ALAD: variants seen among roughly 807,000 people sequenced by gnomAD.
The protein encoded by ALAD is delta-aminolevulinic acid dehydratase.
ALAD carries 20 observed loss-of-function variants against 44.4 expected under a neutral mutation model. The observed-to-expected ratio is 0.45, with a 90% CI of 0.32 to 0.65. ALAD has a LOEUF of 0.65. Among genes scored for constraint, ALAD ranks in the 30% least tolerant of loss-of-function variants. The pLI is 0.05. For missense variants in ALAD, 323 were observed against 445.7 expected, an observed-to-expected ratio of 0.72 and a Z score of 2.48; for synonymous variants, 156 against 167.9, an observed-to-expected ratio of 0.93 and a Z score of 0.55.
In ALAD at chr9:113,389,442, T is replaced by C. The variant is rs752278186; in HGVS notation, c.797A>G (p.Asp266Gly). ...TTGCCTCGTACCTGTGCTCACCTTG[T>C]CCTTTACCTCCCGCACGATGTCCAG... ...PYLDIVREVK[D>G]KHPDLPLAVY... The change falls in exon 10 of 12, where the codon GAC becomes GGC. Residue 266 changes from aspartate (D) to glycine (G), a missense_variant. Transcript: ENST00000409155. 14 of 1,613,306 alleles carry C rather than the reference T, an allele frequency of 8.7e-6. No individual in the cohort carries two copies. The highest frequency in any genetic ancestry group is 1.2e-5 in the Non-Finnish European group (14 of 1,180,034).
At chr9:113,394,496 C>T (rs1827676118) in intron 1 of ALAD, among the ~76,000 whole-genome samples, 2 of 151,682 alleles carry the variant, frequency 1.3e-5, no homozygotes, top group South Asian at 4.2e-4. Flanking sequence ...TATGATTGCA[C>T]CACTGCACTC....
chr9:113,392,026 C>T, intron 3 of ALAD, 93 bp downstream of exon 3: 2 of 1,258,602 alleles, frequency 1.6e-6, no homozygotes, highest in South Asian at 1.3e-5. Context: ...TCCGCATCTT[C>T]TACTTCCTAG....
rs761010522 is a variant in ALAD at position 113,389,824 on chromosome 9, G to A, written c.575C>T (p.Ser192Leu). 5.0e-6 allele frequency: 8 copies of A among 1,614,238 alleles called. No individual in the cohort carries two copies. Among genetic ancestry groups the A allele is most frequent in the Admixed American group, 3.3e-5 (2 of 60,036 alleles). Residue 192 changes from serine (S) to leucine (L), a missense_variant, in exon 8 of 12, where the codon TCG becomes TTG. Transcript: ENST00000409155. ...LMAHGLGNRVSVMSYSAKFAS... is the reference protein window; with the variant it reads ...LMAHGLGNRVLVMSYSAKFAS... ...AAATTTGGCACTGTAGCTCATCACC[G>A]ATACCTATGGGGAGACAATGGAGGT...
At position 113,395,883 on chromosome 9, in the gene ALAD, C is replaced by T. The variant is rs933496478; in HGVS notation, c.-75-2249G>A. 2.6e-5 allele frequency among the ~76,000 whole-genome samples: 4 copies of T among 152,210 alleles called. No homozygotes were observed. In the East Asian group the frequency reaches 7.7e-4, roughly 29 times the overall value. On this transcript the variant is annotated intron_variant, in intron 1 of 11. Coordinates refer to ENST00000409155, the MANE Select transcript of ALAD (RefSeq NM_000031.6). ...GACCAGGCTGGCCAATGTGGTGAAA[C>T]TCCGTCTCTACTAAAAATACAAAAA...
At position 113,390,868 on chromosome 9, in the gene ALAD, C is replaced by A; in HGVS notation, c.327G>T (p.Arg109Ser). The A allele has an allele frequency of 3.7e-6, 6 of 1,614,102 alleles. No homozygotes were observed. Among genetic ancestry groups the A allele is most frequent in the African/African-American group, 1.3e-5 (1 of 75,042 alleles). The change falls in exon 5 of 12, where the codon AGG (arginine) becomes AGT (serine). Residue 109 changes from arginine (R) to serine (S), a missense_variant. Transcript: ENST00000409155. ...CCACCAGGAGGTTGGGGAAGGTCTT[C>A]CTCAACAGATGGATTGCCTCAATAG... is the stretch of plus-strand genomic sequence containing the variant. ...SPAIEAIHLL[R>S]KTFPNLLVAC...
chr9:113,391,994 C>T (rs1184235872), intron 3 of ALAD, 125 bp downstream of exon 3: 2 of 1,004,788 alleles, frequency 2.0e-6, no homozygotes, highest in Non-Finnish European at 3.0e-6. Flanking sequence ...ACCCTTTCCT[C>T]TACTGAGCTA....
At chr9:113,400,287 C>A (rs554235847) in intron 1 of ALAD, among the ~76,000 whole-genome samples, 4 of 152,272 alleles carry the variant, frequency 2.6e-5, no homozygotes, top group African/African-American at 9.6e-5. Context: ...CACCATGACA[C>A]CTCCATACTT....
intron 2 of ALAD, 72 bp from the exon 3 acceptor site, chr9:113,392,241 G>A: frequency 6.2e-7 from 1 of 1,610,808 alleles, no homozygotes; most frequent in Non-Finnish European, 8.5e-7. Context: ...GACTGAGAGG[G>A]ATGGTTGGGA....
chr9:113,400,453 T>C (rs767194037), intron 1 of ALAD, among the ~76,000 whole-genome samples: 10 of 152,216 alleles, frequency 6.6e-5, no homozygotes, highest in Non-Finnish European at 1.0e-4. Context: ...GTTCTGTAGC[T>C]TTCTAGTTGT....
Position 113,389,639 on chromosome 9 carries a change from T to G in ALAD, c.674A>C (p.Gln225Pro). 6.2e-7 allele frequency: 1 copy of G among 1,614,178 alleles called. No individual in the cohort carries two copies. Among genetic ancestry groups the G allele is most frequent in the Non-Finnish European group, 8.5e-7 (1 of 1,180,034 alleles). ...SPAFGDRRCYQLPPGARGLAL... is the reference protein window; with the variant it reads ...SPAFGDRRCYPLPPGARGLAL... ...CAGGCCTCGTGCTCCAGGGGGCAGCTGGTAGCAGCGGCGGTCCCCAAAAGC... is the reference window on the plus strand; with the variant it reads ...CAGGCCTCGTGCTCCAGGGGGCAGCGGGTAGCAGCGGCGGTCCCCAAAAGC... Residue 225 changes from glutamine (Q) to proline (P), a missense_variant, in exon 9 of 12, where the codon CAG becomes CCG. By Grantham distance (76) the Gln-to-Pro change is moderately conservative. Transcript: ENST00000409155.
chr9:113,397,897 T>C lies in ALAD; in HGVS notation c.-76+3315A>G, dbSNP rs190925476. ...GCCTCTGCCTCCCAAAGTGCTGGGATTACAGGCGTGAGCCACCGCACCTGG... is the reference window on the plus strand; with the variant it reads ...GCCTCTGCCTCCCAAAGTGCTGGGACTACAGGCGTGAGCCACCGCACCTGG... On this transcript the variant is annotated intron_variant, in intron 1 of 11. Transcript: ENST00000409155. Among the ~76,000 whole-genome samples, 12 of 152,304 alleles carry C rather than the reference T, an allele frequency of 7.9e-5. No individual in the cohort carries two copies. The East Asian group carries it at 2.1e-3, about 27-fold the overall frequency.
rs774213209 is a variant in ALAD, at chr9:113,394,968, C to T, written c.-75-1334G>A. On this transcript the variant is annotated intron_variant, in intron 1 of 11. Coordinates refer to ENST00000409155, the MANE Select transcript of ALAD (RefSeq NM_000031.6). ...TACTGGGGAGGCTGAGGCAGGAGAA[C>T]TGCTTGAATCCAGGAGGAGGAGGTT... Among the ~76,000 whole-genome samples the T allele has an allele frequency of 2.0e-5, 3 of 151,750 alleles. No homozygotes were observed. The South Asian group carries it at 6.2e-4, about 32-fold the overall frequency.
At chr9:113,393,403 C>CCCAACA in intron 2 of ALAD, 44 bp downstream of exon 2, 7 of 1,565,280 alleles carry the variant, frequency 4.5e-6, no homozygotes, top group Non-Finnish European at 6.2e-6. Context: ...CAACCCCAAC[C>CCCAACA]CCAACCAGCA....
chr9:113,391,195 C>T (rs1476107738), intron 4 of ALAD, among the ~76,000 whole-genome samples: 1 of 152,146 alleles, frequency 6.6e-6, no homozygotes, highest in Non-Finnish European at 1.5e-5. Flanking sequence ...TTTGCCCAAC[C>T]TCCCTTCCTT....
In ALAD at chr9:113,390,675, C is replaced by T. The variant is rs1827553372; in HGVS notation, c.399G>A (p.Gly133=). 1 of 1,613,630 alleles carries T rather than the reference C, an allele frequency of 6.2e-7. No homozygotes were observed. The highest frequency in any genetic ancestry group is 8.5e-7 in the Non-Finnish European group (1 of 1,179,794). The change falls in exon 6 of 12, where the codon GGG becomes GGA. Residue 133 remains glycine (G), a splice_region_variant and synonymous_variant. Coordinates refer to ENST00000409155, the MANE Select transcript of ALAD (RefSeq NM_000031.6). ...GGAATGCTCCGTTTTCACTCAGGAG[C>T]CCTTCAGGACAGATGACTGGGTTTT... The part of the protein sequence containing the change: ...LCPYTSHGHC[G]LLSENGAFRA...
chr9:113,386,461 G>T lies in ALAD; in HGVS notation c.*1839C>A, dbSNP rs752486804. 6.6e-6 allele frequency: 1 copy of T among 152,086 alleles called. No individual in the cohort carries two copies. The highest frequency in any genetic ancestry group is 2.1e-4 in the South Asian group (1 of 4,830). 9.4% of individuals were successfully genotyped at this position (152,086 alleles called of 1,614,324 possible). On this transcript the variant is annotated 3_prime_UTR_variant, in exon 12 of 12. Coordinates refer to ENST00000409155, the MANE Select transcript of ALAD (RefSeq NM_000031.6). ...TAGGCTAAGCTATGATGTTTGGTAG[G>T]TTAGGTATATTAAATACATTTTTGA...
rs564473915 is a variant in ALAD at position 113,395,891 on chromosome 9, C to T, written c.-75-2257G>A. ...TGGCCAATGTGGTGAAACTCCGTCT[C>T]TACTAAAAATACAAAAATTAGGCCA... On this transcript the variant is annotated intron_variant, in intron 1 of 11. Transcript: ENST00000409155. 2.6e-5 allele frequency among the ~76,000 whole-genome samples: 4 copies of T among 152,196 alleles called. No homozygotes were observed. In the East Asian group the frequency reaches 7.7e-4, roughly 29 times the overall value.
intron 1 of ALAD, among the ~76,000 whole-genome samples, chr9:113,394,803 G>C (rs1044680282): frequency 3.3e-5 from 5 of 152,146 alleles, no homozygotes; most frequent in Non-Finnish European, 5.9e-5. Context: ...TATAATCTCA[G>C]CACTTTGGGA....
intron 1 of ALAD, among the ~76,000 whole-genome samples, chr9:113,394,276 G>A (rs957924676): frequency 6.7e-6 from 1 of 148,812 alleles, no homozygotes. Flanking sequence ...GGTGGCTCAC[G>A]CCTGTAATCC....
Sources: allele counts gnomAD v4.1 joint callset (sites outside exome capture counted in the v4.1 genomes callset), GRCh38; gene constraint gnomAD v4.1.1; transcripts MANE v1.5; gene names NCBI Gene and HGNC (gene_info 2026-07-23, HGNC 2026-07-21).